The following RBMS1 variants were observed in gnomAD, a reference collection of about 807,000 sequenced individuals.
The protein encoded by RBMS1 is RNA binding motif single stranded interacting protein 1, also known as RNA-binding motif, single-stranded-interacting protein 1.
A neutral mutation model predicts 62.3 loss-of-function variants in RBMS1; 17 were observed. That is an observed-to-expected ratio of 0.27 (90% CI 0.19 to 0.41). RBMS1 has a LOEUF of 0.41. Among genes scored for constraint, RBMS1 ranks in the 10% least tolerant of loss-of-function variants. RBMS1 has a pLI of 1.00. For missense variants in RBMS1, 334 were observed against 504.5 expected, an observed-to-expected ratio of 0.66 and a Z score of 3.24; for synonymous variants, 172 against 170.0, an observed-to-expected ratio of 1.01 and a Z score of -0.09.
intron 2 of RBMS1, among the ~76,000 whole-genome samples, chr2:160,324,866 A>ATGTG (rs368566224): frequency 7.1e-5 from 8 of 113,122 alleles, no homozygotes; most frequent in East Asian, 2.3e-4. Context: ...TCTAAGCGAG[A>ATGTG]TGTGTGTGTG....
intron 1 of RBMS1, among the ~76,000 whole-genome samples, chr2:160,481,919 T>C (rs1685388532): frequency 1.3e-5 from 2 of 152,146 alleles, no homozygotes. Flanking sequence ...ACTGGTAGTG[T>C]CTACCCAAGC....
At chr2:160,314,058 T>TG (rs1341668122) in intron 3 of RBMS1, among the ~76,000 whole-genome samples, 1 of 152,100 alleles carries the variant, frequency 6.6e-6, no homozygotes, top group Non-Finnish European at 1.5e-5. Context: ...AAAGGGGGGC[T>TG]GGGGTGATGG....
chr2:160,320,098 A>C (rs1397052203), intron 2 of RBMS1, among the ~76,000 whole-genome samples: 3 of 152,232 alleles, frequency 2.0e-5, no homozygotes, highest in Non-Finnish European at 4.4e-5. Flanking sequence ...GCAACCATCT[A>C]TCTACCTAGG....
intron 1 of RBMS1, among the ~76,000 whole-genome samples, chr2:160,436,957 C>A (rs978550630): frequency 6.6e-6 from 1 of 152,184 alleles, no homozygotes; most frequent in South Asian, 2.1e-4. Context: ...GGTCTTTATA[C>A]AGAAATTTGA....
At chr2:160,458,679 C>T (rs766704600) in intron 1 of RBMS1, among the ~76,000 whole-genome samples, 5 of 151,998 alleles carry the variant, frequency 3.3e-5, no homozygotes, top group Admixed American at 6.6e-5. Flanking sequence ...TGCCAATAAT[C>T]GCAGTTACTC....
chr2:160,322,676 C>T (rs1466755767), intron 2 of RBMS1, among the ~76,000 whole-genome samples: 3 of 152,164 alleles, frequency 2.0e-5, no homozygotes, highest in African/African-American at 4.8e-5. Flanking sequence ...GCTTCCCTTT[C>T]CTAAAATATT....
intron 2 of RBMS1, among the ~76,000 whole-genome samples, chr2:160,356,667 A>C (rs958296558): frequency 1.3e-5 from 2 of 152,156 alleles, no homozygotes; most frequent in South Asian, 2.1e-4. Context: ...AGCAGCAAGA[A>C]GGCCCTCACC....
intron 2 of RBMS1, among the ~76,000 whole-genome samples, chr2:160,327,275 A>C (rs1690987937): frequency 6.6e-6 from 1 of 152,244 alleles, no homozygotes; most frequent in Admixed American, 6.5e-5. Context: ...CTAAATTGAG[A>C]ATCATTCCTG....
At chr2:160,278,740 A>G in intron 10 of RBMS1, 82 bp from the exon 11 acceptor site, 1 of 835,182 alleles carries the variant, frequency 1.2e-6, no homozygotes, top group Non-Finnish European at 1.9e-6. Flanking sequence ...CAAAGGAAAT[A>G]CCTTAGTTTG....
At chr2:160,388,746 A>ACTGACACTTCTAACCAACCCTCCCTG (rs1694709029) in intron 1 of RBMS1, among the ~76,000 whole-genome samples, 1 of 152,210 alleles carries the variant, frequency 6.6e-6, no homozygotes, top group African/African-American at 2.4e-5. Context: ...GGTTCCCTGA[A>ACTGACACTTCTAACCAACCCTCCCTG]CTGACACTTC....
chr2:160,316,590 T>C (rs185288738), intron 3 of RBMS1, among the ~76,000 whole-genome samples: 82 of 152,310 alleles, frequency 5.4e-4, no homozygotes, highest in Non-Finnish European at 9.6e-4. Flanking sequence ...GTAGAGCACT[T>C]TGAGGAATTT....
intron 1 of RBMS1, among the ~76,000 whole-genome samples, chr2:160,453,152 A>G (rs1402551177): frequency 6.6e-6 from 1 of 152,146 alleles, no homozygotes; most frequent in East Asian, 1.9e-4. Context: ...TGAATAAGGA[A>G]TAAAAGTTTG....
chr2:160,465,987 A>G (rs997319652), intron 1 of RBMS1, among the ~76,000 whole-genome samples: 1 of 152,178 alleles, frequency 6.6e-6, no homozygotes, highest in African/African-American at 2.4e-5. Flanking sequence ...CACTTATCAG[A>G]AAAGTGTTTA....
chr2:160,395,567 T>C (rs1206877134), intron 1 of RBMS1, among the ~76,000 whole-genome samples: 1 of 137,292 alleles, frequency 7.3e-6, no homozygotes, highest in Admixed American at 8.5e-5. Context: ...GAGCTTGCAG[T>C]GAGCTGAGAT....
At chr2:160,421,237 C>T (rs1027364103) in intron 1 of RBMS1, among the ~76,000 whole-genome samples, 5 of 151,744 alleles carry the variant, frequency 3.3e-5, no homozygotes, top group African/African-American at 4.8e-5. Context: ...TGCTAGTGTG[C>T]GGCACCCATT....
intron 1 of RBMS1, among the ~76,000 whole-genome samples, chr2:160,452,169 G>T (rs948637324): frequency 1.3e-5 from 2 of 151,922 alleles, no homozygotes; most frequent in East Asian, 3.9e-4. Context: ...TTATGAGAAG[G>T]CTCTATGGAA....
At chr2:160,394,107 C>T (rs1695010840) in intron 1 of RBMS1, among the ~76,000 whole-genome samples, 1 of 152,224 alleles carries the variant, frequency 6.6e-6, no homozygotes, top group Non-Finnish European at 1.5e-5. Flanking sequence ...CGACAGACTT[C>T]CACCCACTTT....
chr2:160,345,310 G>A (rs1692114909), intron 2 of RBMS1, among the ~76,000 whole-genome samples: 1 of 151,972 alleles, frequency 6.6e-6, no homozygotes, highest in Admixed American at 6.6e-5. Context: ...AGGTGAGGGA[G>A]GAAAGGGTGA....
chr2:160,299,888 G>A (rs534738444), intron 6 of RBMS1, among the ~76,000 whole-genome samples: 39 of 152,296 alleles, frequency 2.6e-4, no homozygotes, highest in African/African-American at 7.9e-4. Context: ...TGATTAAGCT[G>A]AAGACATTTA....
Sources: gnomAD v4.1 joint callset for allele counts (sites outside exome capture counted in the v4.1 genomes callset) on GRCh38, gnomAD v4.1.1 for gene constraint, MANE v1.5 for transcripts, NCBI Gene and HGNC (gene_info 2026-07-23, HGNC 2026-07-21) for gene names.